Variants in NUDT1 observed in about 807,000 individuals in gnomAD.
The protein encoded by NUDT1 is nudix hydrolase 1, also known as oxidized purine nucleoside triphosphate hydrolase.
Under a neutral mutation model 11.3 loss-of-function variants are expected in NUDT1, and 16 were observed. The observed-to-expected ratio is 1.41, with a 90% CI of 0.96 to 2.15. The LOEUF is 2.15. NUDT1 is among the 30% of genes most tolerant of loss of function. The probability of loss-of-function intolerance (pLI) is 0.00; values close to 1 mark genes in which losing one functional copy is unlikely to be tolerated. For missense variants in NUDT1, 234 were observed against 208.4 expected (o/e 1.12, Z -0.76); for synonymous variants, 101 against 84.4 (o/e 1.20, Z -1.08).
intron 3 of NUDT1, 92 bp from the exon 4 acceptor site, chr7:2,250,735 GGC>G: frequency 1.6e-6 from 2 of 1,274,706 alleles, no homozygotes; most frequent in Non-Finnish European, 2.3e-6. Context: ...TGGGATTACA[GGC>G]GTGAGCCACC....
At chr7:2,250,235 G>A (rs35103662) in intron 3 of NUDT1, among the ~76,000 whole-genome samples, 1 of 152,206 alleles carries the variant, frequency 6.6e-6, no homozygotes, top group Non-Finnish European at 1.5e-5. Flanking sequence ...ACGGTAATGA[G>A]GATGAAATAT....
At chr7:2,244,799 C>T in intron 2 of NUDT1, 73 bp downstream of exon 2, 1 of 1,538,734 alleles carries the variant, frequency 6.5e-7, no homozygotes, top group Non-Finnish European at 8.8e-7. Flanking sequence ...AGGGCCACAC[C>T]CTTGGTTTCA....
At chr7:2,242,976 G>A (rs1261003651) in intron 1 of NUDT1, 3 of 716,312 alleles carry the variant, frequency 4.2e-6, no homozygotes, top group Admixed American at 4.0e-5. Context: ...GGCTTGGAGA[G>A]TGAGTGCAAG....
chr7:2,247,054 C>A (rs1422701599), intron 2 of NUDT1, among the ~76,000 whole-genome samples: 1 of 152,178 alleles, frequency 6.6e-6, no homozygotes, highest in Non-Finnish European at 1.5e-5. Flanking sequence ...AGCAAACAGC[C>A]TCGCCCTCAG....
At chr7:2,244,241 G>GGAGCAA (rs1794675800) in intron 1 of NUDT1, among the ~76,000 whole-genome samples, 1 of 152,184 alleles carries the variant, frequency 6.6e-6, no homozygotes, top group African/African-American at 2.4e-5. Flanking sequence ...GGTAGACGCA[G>GGAGCAA]GAGCAAGAGC....
At chr7:2,242,434 G>C in intron 1 of NUDT1, 178 bp downstream of exon 1, 1 of 507,942 alleles carries the variant, frequency 2.0e-6, no homozygotes, top group Non-Finnish European at 3.5e-6. Context: ...GGAGAGCGGG[G>C]CCGGGGGTTT....
Position 2,249,838 on chromosome 7 carries a change from T to C in NUDT1, c.153-19T>C. 2.5e-6 allele frequency: 4 copies of C among 1,611,662 alleles called. No homozygotes were observed. The highest frequency in any genetic ancestry group is 3.4e-6 in the Non-Finnish European group (4 of 1,179,966). ...CCATGCCCTGACGGCCTCCCTCCCCTGCCCACCTCTGCCCGCAGGGAGCTG... is the reference window on the plus strand; with the variant it reads ...CCATGCCCTGACGGCCTCCCTCCCCCGCCCACCTCTGCCCGCAGGGAGCTG... On this transcript the variant is annotated intron_variant, in intron 2 of 3. Coordinates refer to ENST00000356714, the MANE Select transcript of NUDT1 (RefSeq NM_002452.4).
chr7:2,243,128 G>C (rs1794618281), intron 1 of NUDT1: 1 of 646,266 alleles, frequency 1.5e-6, no homozygotes, highest in Non-Finnish European at 2.9e-6. Flanking sequence ...GGTTCCATCA[G>C]TTGATGGCCT....
intron 2 of NUDT1, among the ~76,000 whole-genome samples, chr7:2,247,158 C>A (rs1205328093): frequency 1.3e-5 from 2 of 152,202 alleles, no homozygotes; most frequent in Non-Finnish European, 2.9e-5. Flanking sequence ...CAACCCCAGG[C>A]CCGTGCTGCT....
At position 2,251,083 on chromosome 7, in the gene NUDT1, C is replaced by A; in HGVS notation, c.*82C>A. The stretch of plus-strand genomic sequence containing the variant: ...ATCTTCACCTGGGGGCATTGAGTGG[C>A]GCAGAGCCGGGTTTCATCTGGAATT... On this transcript the variant is annotated 3_prime_UTR_variant, in exon 4 of 4. Coordinates refer to ENST00000356714, the MANE Select transcript of NUDT1 (RefSeq NM_002452.4). 1 of 1,414,384 alleles carries A rather than the reference C, an allele frequency of 7.1e-7. No homozygotes were observed. The highest frequency in any genetic ancestry group is 9.9e-7 in the Non-Finnish European group (1 of 1,005,750). The allele number at this position is 1,414,384 out of a possible 1,614,324, so 87.6% of individuals were successfully genotyped here.
At chr7:2,248,509 C>T (rs534825446) in intron 2 of NUDT1, among the ~76,000 whole-genome samples, 1 of 148,144 alleles carries the variant, frequency 6.8e-6, no homozygotes, top group African/African-American at 2.5e-5. Flanking sequence ...TCCTTTCTTG[C>T]GTGGAAAGCC....
chr7:2,242,932 G>C, intron 1 of NUDT1: 1 of 712,090 alleles, frequency 1.4e-6, no homozygotes, highest in South Asian at 1.5e-5. Context: ...TAGGTTTCTT[G>C]CCTTGATGTA....
intron 3 of NUDT1, 134 bp downstream of exon 3, chr7:2,250,136 C>A (rs1034280226): frequency 1.7e-6 from 2 of 1,158,034 alleles, no homozygotes; most frequent in Non-Finnish European, 2.5e-6. Flanking sequence ...CCCCACAGTG[C>A]CAGCGTGGGG....
intron 2 of NUDT1, among the ~76,000 whole-genome samples, chr7:2,247,645 G>A (rs1051998247): frequency 2.0e-5 from 3 of 152,226 alleles, no homozygotes; most frequent in African/African-American, 7.2e-5. Flanking sequence ...TGTTCCGCCT[G>A]GGGAACCGAG....
rs1370909103 is a variant in NUDT1 at position 2,251,101 on chromosome 7, C to G, written c.*100C>G. 3.5e-6 allele frequency: 4 copies of G among 1,148,974 alleles called. No homozygotes were observed. The highest frequency in any genetic ancestry group is 3.1e-5 in the African/African-American group (2 of 65,244). The allele number at this position is 1,148,974 out of a possible 1,614,324, so 71.2% of individuals were successfully genotyped here. On this transcript the variant is annotated 3_prime_UTR_variant, in exon 4 of 4. Coordinates refer to ENST00000356714, the MANE Select transcript of NUDT1 (RefSeq NM_002452.4). The stretch of plus-strand genomic sequence containing the variant: ...TGAGTGGCGCAGAGCCGGGTTTCAT[C>G]TGGAATTAACTGGATGGAAGGGAAA...
chr7:2,243,524 G>A (rs1794640832), intron 1 of NUDT1, among the ~76,000 whole-genome samples: 1 of 152,168 alleles, frequency 6.6e-6, no homozygotes, highest in Non-Finnish European at 1.5e-5. Context: ...TGTAATCTCA[G>A]CACTTTGGGA....
chr7:2,244,717 G>A lies in NUDT1; in HGVS notation c.143G>A (p.Gly48Glu). ...KVQEGETIEDGARRELQEESG... is the reference protein window; with the variant it reads ...KVQEGETIEDEARRELQEESG... Reference sequence around the variant, plus strand: ...CAAGAAGGAGAGACCATCGAGGATGGGGCTAGGAGGTAAGGATGGGGCAGG... The same window carrying A: ...CAAGAAGGAGAGACCATCGAGGATGAGGCTAGGAGGTAAGGATGGGGCAGG... Residue 48 changes from glycine (G) to glutamate (E), a missense_variant, in exon 2 of 4, where the codon GGG (glycine) becomes GAG (glutamate). Transcript: ENST00000356714. 1 of 1,609,946 alleles carries A rather than the reference G, an allele frequency of 6.2e-7. No homozygotes were observed.
At chr7:2,247,925 A>G (rs4721505) in intron 2 of NUDT1, 97,391 of 152,152 alleles carry the variant, frequency 0.64, 31,989 homozygotes, top group East Asian at 0.75. Context: ...GGAGCCATTT[A>G]TACCCAAGTA....
At position 2,251,111 on chromosome 7, in the gene NUDT1, C is replaced by G. The variant is rs10231313; in HGVS notation, c.*110C>G. The G allele has an allele frequency of 2.5e-5, 27 of 1,086,864 alleles. No individual in the cohort carries two copies. In the East Asian group the frequency reaches 6.3e-4, roughly 26 times the overall value. 67.3% of individuals were successfully genotyped at this position (1,086,864 alleles called of 1,614,324 possible). A position where few individuals can be genotyped will look rare whatever the true frequency, so the allele number is the denominator to read the frequency against. ...AGAGCCGGGTTTCATCTGGAATTAA[C>G]TGGATGGAAGGGAAAATAAAGCTAT... On this transcript the variant is annotated 3_prime_UTR_variant, in exon 4 of 4. Transcript: ENST00000356714.
Sources: gnomAD v4.1 joint callset for allele counts (sites outside exome capture counted in the v4.1 genomes callset) on GRCh38, gnomAD v4.1.1 for gene constraint, MANE v1.5 for transcripts, NCBI Gene and HGNC (gene_info 2026-07-23, HGNC 2026-07-21) for gene names.